Variants in ARB2A observed in about 807,000 individuals in gnomAD.
ARB2A encodes the protein cotranscriptional regulator ARB2A.
the ARB2A span, among the ~76,000 whole-genome samples, chr5:93,974,333 T>A: frequency 6.6e-6 from 1 of 152,234 alleles, no homozygotes. Context: ...TATTCCTATA[T>A]CAGATAAAAT....
At chr5:94,053,324 T>A in the ARB2A span, 1 of 680,998 alleles carries the variant, frequency 1.5e-6, no homozygotes, top group Non-Finnish European at 2.4e-6. Flanking sequence ...TTTGTTCTAT[T>A]AATTTTTATG....
chr5:93,621,079 T>G, the ARB2A span: 5 of 1,611,854 alleles, frequency 3.1e-6, no homozygotes, highest in African/African-American at 6.7e-5. Flanking sequence ...GTAAAGAATT[T>G]GAAAATAGAC....
At chr5:93,852,594 C>T in the ARB2A span, among the ~76,000 whole-genome samples, 71 of 152,154 alleles carry the variant, frequency 4.7e-4, no homozygotes, top group African/African-American at 1.6e-3. Flanking sequence ...TTAGGTCTAA[C>T]GTTTAAGTCT....
the ARB2A span, among the ~76,000 whole-genome samples, chr5:94,084,758 T>C: frequency 6.6e-6 from 1 of 152,064 alleles, no homozygotes; most frequent in Non-Finnish European, 1.5e-5. Flanking sequence ...ATCATATCAC[T>C]GGGGAAAACA....
the ARB2A span, among the ~76,000 whole-genome samples, chr5:93,653,482 A>G: frequency 3.0e-5 from 4 of 131,252 alleles, no homozygotes; most frequent in Middle Eastern, 4.1e-3. Flanking sequence ...ACTGCAGTCC[A>G]GTCTGGGCGA....
chr5:93,699,896 C>T, the ARB2A span, among the ~76,000 whole-genome samples: 3 of 151,750 alleles, frequency 2.0e-5, no homozygotes, highest in African/African-American at 4.8e-5. Flanking sequence ...GAGTGGGCTA[C>T]GGAGCCTTGC....
the ARB2A span, among the ~76,000 whole-genome samples, chr5:93,961,873 A>G: frequency 1.3e-5 from 2 of 152,204 alleles, no homozygotes; most frequent in African/African-American, 4.8e-5. Flanking sequence ...GAAAAATGTA[A>G]CAATATTAAT....
chr5:93,898,049 T>C, the ARB2A span, among the ~76,000 whole-genome samples: 5 of 151,942 alleles, frequency 3.3e-5, no homozygotes, highest in Admixed American at 6.6e-5. Flanking sequence ...TGATCTGAAA[T>C]ACTGCTTTGG....
chr5:93,828,339 A>G, the ARB2A span, among the ~76,000 whole-genome samples: 1 of 152,038 alleles, frequency 6.6e-6, no homozygotes, highest in Non-Finnish European at 1.5e-5. Flanking sequence ...TAGGTATTTT[A>G]TTCTCTTTGA....
chr5:93,985,404 C>G, the ARB2A span, among the ~76,000 whole-genome samples: 79 of 151,808 alleles, frequency 5.2e-4, no homozygotes, highest in Non-Finnish European at 1.0e-3. Flanking sequence ...TGGTCTCCCC[C>G]TCTCCCTCTT....
At chr5:94,052,744 A>G in the ARB2A span, among the ~76,000 whole-genome samples, 1 of 152,230 alleles carries the variant, frequency 6.6e-6, no homozygotes, top group African/African-American at 2.4e-5. Context: ...AATTATTGCC[A>G]GACACTTTAT....
chr5:93,702,293 G>C, the ARB2A span, among the ~76,000 whole-genome samples: 10 of 152,196 alleles, frequency 6.6e-5, no homozygotes, highest in African/African-American at 2.4e-4. Flanking sequence ...AAGAGACTAA[G>C]GTCCTAAAAG....
the ARB2A span, among the ~76,000 whole-genome samples, chr5:93,746,678 C>T: frequency 1.3e-4 from 19 of 151,966 alleles, no homozygotes; most frequent in African/African-American, 4.6e-4. Flanking sequence ...AGAGAAAAGG[C>T]CCTCCATTTT....
At chr5:93,627,422 C>T in the ARB2A span, among the ~76,000 whole-genome samples, 1 of 151,316 alleles carries the variant, frequency 6.6e-6, no homozygotes, top group Non-Finnish European at 1.5e-5. Flanking sequence ...CTGGCACCTA[C>T]AGCCTTACAA....
At chr5:93,897,408 G>T in the ARB2A span, among the ~76,000 whole-genome samples, 225 of 151,930 alleles carry the variant, frequency 1.5e-3, 1 homozygote, top group South Asian at 5.8e-3. Context: ...AAAATTTTTG[G>T]AAAGTTTGTA....
the ARB2A span, among the ~76,000 whole-genome samples, chr5:93,949,484 C>T: frequency 6.6e-6 from 1 of 151,956 alleles, no homozygotes; most frequent in Non-Finnish European, 1.5e-5. Context: ...TCGCTTGAAC[C>T]AGGGAGGCGG....
the ARB2A span, among the ~76,000 whole-genome samples, chr5:93,690,632 G>A: frequency 6.6e-6 from 1 of 152,144 alleles, no homozygotes; most frequent in Admixed American, 6.5e-5. Context: ...TGCAGCTTCA[G>A]CAGAATTAAA....
chr5:93,682,154 T>G, the ARB2A span, among the ~76,000 whole-genome samples: 1 of 151,530 alleles, frequency 6.6e-6, no homozygotes, highest in Non-Finnish European at 1.5e-5. Context: ...ACAAATACTC[T>G]AAAATATTAC....
At chr5:93,964,773 TTC>T in the ARB2A span, among the ~76,000 whole-genome samples, 1 of 152,028 alleles carries the variant, frequency 6.6e-6, no homozygotes, top group African/African-American at 2.4e-5. Context: ...ATACACAACT[TTC>T]TCTTTTTCAA....
Sources: gnomAD v4.1 joint callset for allele counts (sites outside exome capture counted in the v4.1 genomes callset) on GRCh38, gnomAD v4.1.1 for gene constraint, MANE v1.5 for transcripts, NCBI Gene and HGNC (gene_info 2026-07-23, HGNC 2026-07-21) for gene names.